The following BACH2 variants were observed in gnomAD, a reference collection of about 807,000 sequenced individuals.
BACH2 encodes the protein transcription regulator protein BACH2.
BACH2 carries 5 observed loss-of-function variants against 61.8 expected under a neutral mutation model. The observed-to-expected ratio is 0.08, with a 90% CI of 0.04 to 0.17. The LOEUF is 0.17. Ranked by LOEUF, BACH2 falls within the 10% of genes least tolerant of loss-of-function variation. The probability of loss-of-function intolerance (pLI) is 1.00; values close to 1 mark genes in which losing one functional copy is unlikely to be tolerated. For missense variants in BACH2, 824 were observed against 1,091.1 expected (o/e 0.76, Z 3.45); for synonymous variants, 446 against 440.1 (o/e 1.01, Z -0.17).
At chr6:90,066,066 C>T (rs928531994) in intron 5 of BACH2, among the ~76,000 whole-genome samples, 6 of 152,128 alleles carry the variant, frequency 3.9e-5, no homozygotes, top group Non-Finnish European at 7.4e-5. Context: ...TGTCTATGTA[C>T]CCCAGCAGAC....
rs370686120 is a variant in BACH2 at position 89,950,798 on chromosome 6, G to A, written c.1308C>T (p.Ser436=). 12 of 1,614,024 alleles carry A rather than the reference G, an allele frequency of 7.4e-6. No individual in the cohort carries two copies. Among genetic ancestry groups the A allele is most frequent in the East Asian group, 4.5e-5 (2 of 44,880 alleles). ...CCGAGGTGCTCACTTGGTCACAAGC[G>A]CTGGAGGAGAAGATCACGCTCCTCC... The part of the protein sequence containing the change: ...LDRRSVIFSS[S]ACDQVSTSVH... Residue 436 remains serine (S), a synonymous_variant, in exon 7 of 9, where the codon AGC becomes AGT. Coordinates refer to ENST00000257749, the MANE Select transcript of BACH2 (RefSeq NM_021813.4). The surrounding 1 kb of genome is among the most constrained non-coding windows in gnomAD (Gnocchi z 5.3).
chr6:90,052,308 T>C (rs1780083443), intron 5 of BACH2, among the ~76,000 whole-genome samples: 1 of 152,270 alleles, frequency 6.6e-6, no homozygotes, highest in Admixed American at 6.5e-5. Flanking sequence ...TTGTTTTACA[T>C]GTTTTGATGC....
intron 6 of BACH2, among the ~76,000 whole-genome samples, chr6:89,974,194 G>C (rs558101960): frequency 2.0e-4 from 31 of 152,312 alleles, no homozygotes; most frequent in African/African-American, 7.5e-4. Context: ...GGGCTCTGGA[G>C]TCAGGCTGCC....
rs550845581 is a variant in BACH2 at position 90,019,552 on chromosome 6, G to A, written c.-12-10696C>T. ...TGTTCTTCCAGATCTACAATTCTATGAGTCTATAAAAGAAATATACCTGAT... is the reference window on the plus strand; with the variant it reads ...TGTTCTTCCAGATCTACAATTCTATAAGTCTATAAAAGAAATATACCTGAT... On this transcript the variant is annotated intron_variant, in intron 5 of 8. Transcript: ENST00000257749. 4.6e-5 allele frequency among the ~76,000 whole-genome samples: 7 copies of A among 152,304 alleles called. No homozygotes were observed. The East Asian group carries it at 1.3e-3, about 29-fold the overall frequency.
At position 90,108,082 on chromosome 6, in the gene BACH2, G is replaced by A. The variant is rs567527020; in HGVS notation, c.-161-18973C>T. ...ACAGATTTCAGGATTTTTGCTCTCCGCTGAGTCTTGCCCATGGGGCGTGAG... is the reference window on the plus strand; with the variant it reads ...ACAGATTTCAGGATTTTTGCTCTCCACTGAGTCTTGCCCATGGGGCGTGAG... On this transcript the variant is annotated intron_variant, in intron 4 of 8. Transcript: ENST00000257749. Among the ~76,000 whole-genome samples, 86 of 152,240 alleles carry A rather than the reference G, an allele frequency of 5.6e-4. 1 individual carries two copies. Among genetic ancestry groups the A allele is most frequent in the Non-Finnish European group, 1.2e-3 (81 of 68,016 alleles).
chr6:90,284,331 G>A (rs967489046), intron 1 of BACH2, among the ~76,000 whole-genome samples: 13 of 152,214 alleles, frequency 8.5e-5, no homozygotes, highest in African/African-American at 2.9e-4. Context: ...AGGTAGCACA[G>A]TTCTTCCTGA....
At chr6:89,952,447 T>A (rs778741265) in intron 6 of BACH2, among the ~76,000 whole-genome samples, 1 of 152,190 alleles carries the variant, frequency 6.6e-6, no homozygotes, top group Non-Finnish European at 1.5e-5. Flanking sequence ...CTTTCGGTCA[T>A]CATGTCTACC....
At chr6:90,182,960 T>C (rs181965248) in intron 4 of BACH2, among the ~76,000 whole-genome samples, 2 of 152,352 alleles carry the variant, frequency 1.3e-5, no homozygotes, top group East Asian at 3.9e-4. Flanking sequence ...ATAGCAATTA[T>C]ACCTTTGATA....
chr6:89,947,343 AC>A (rs1256058357), intron 7 of BACH2, among the ~76,000 whole-genome samples: 1 of 151,998 alleles, frequency 6.6e-6, no homozygotes, highest in Non-Finnish European at 1.5e-5. Context: ...CAGGTTATCA[AC>A]TCCTCGAGCA....
intron 3 of BACH2, among the ~76,000 whole-genome samples, chr6:90,211,615 T>TGTGC (rs1769356026): frequency 6.6e-6 from 1 of 151,382 alleles, no homozygotes; most frequent in African/African-American, 2.4e-5. Context: ...TGTGTGTGTG[T>TGTGC]GTGTGTGTGT....
intron 4 of BACH2, among the ~76,000 whole-genome samples, chr6:90,174,503 A>C (rs1486072055): frequency 1.3e-5 from 2 of 152,042 alleles, no homozygotes; most frequent in Non-Finnish European, 2.9e-5. Flanking sequence ...TTAACATTGG[A>C]GATTCTTGCC....
intron 8 of BACH2, 83 bp downstream of exon 8, chr6:89,938,041 CAAAGGGTGACCCTTCTGTCT>C: frequency 8.8e-7 from 1 of 1,132,698 alleles, no homozygotes; most frequent in Non-Finnish European, 1.3e-6. Context: ...CAAACTTCCG[CAAAGGGTGACCCTTCTGTCT>C]ACTTTTCCAA....
chr6:89,970,705 C>G (rs927356291), intron 6 of BACH2, among the ~76,000 whole-genome samples: 4 of 152,162 alleles, frequency 2.6e-5, no homozygotes, highest in South Asian at 2.1e-4. Context: ...TCTGGCCCCC[C>G]CCAGATCTTA....
At chr6:90,179,734 T>C (rs988801150) in intron 4 of BACH2, among the ~76,000 whole-genome samples, 1 of 152,220 alleles carries the variant, frequency 6.6e-6, no homozygotes, top group African/African-American at 2.4e-5. Flanking sequence ...TAAGGTATTA[T>C]GATTAATTAA....
Position 89,929,209 on chromosome 6 carries a change from TAAG to T in BACH2, c.*3196_*3198del, listed in dbSNP as rs1772508174. The T allele has an allele frequency of 6.6e-6, 1 of 152,336 alleles. No homozygotes were observed. The highest frequency in any genetic ancestry group is 1.5e-5 in the Non-Finnish European group (1 of 68,040). The allele number at this position is 152,336 out of a possible 1,614,324, so 9.4% of individuals were successfully genotyped here. A position where few individuals can be genotyped will look rare whatever the true frequency, so the allele number is the denominator to read the frequency against. On this transcript the variant is annotated 3_prime_UTR_variant, in exon 9 of 9. Transcript: ENST00000257749. ...GTGGTTGGAGGGTCTCTTATTTTTG[TAAG>T]AAAAGAGCCTTAAGAACAACCAAAT... is the stretch of plus-strand genomic sequence containing the variant.
intron 4 of BACH2, among the ~76,000 whole-genome samples, chr6:90,193,211 G>A (rs921396039): frequency 6.6e-6 from 1 of 152,214 alleles, no homozygotes; most frequent in African/African-American, 2.4e-5. Flanking sequence ...TTCACATGGT[G>A]AAGTCCTAAC....
chr6:89,951,009 C>G lies in BACH2; in HGVS notation c.1097G>C (p.Arg366Thr). The change falls in exon 7 of 9, where the codon AGG (arginine) becomes ACG (threonine). Residue 366 changes from arginine to threonine, a missense_variant. This residue lies in a region of BACH2 where 226 missense variants were observed against 228.5 expected (regional missense o/e 0.99). Transcript: ENST00000257749. The surrounding 1 kb of genome is among the most constrained non-coding windows in gnomAD (Gnocchi z 6.4). ...LPSTSQQHFA[R>T]SPACPFDKGI... ...CTTGTCAAAAGGGCAGGCTGGACTC[C>G]TGGCAAAGTGCTGCTGAGATGTACT... 1 of 1,591,094 alleles carries G rather than the reference C, an allele frequency of 6.3e-7. No homozygotes were observed. The highest frequency in any genetic ancestry group is 8.6e-7 in the Non-Finnish European group (1 of 1,169,346).
At chr6:89,978,759 G>C (rs1290378969) in intron 6 of BACH2, among the ~76,000 whole-genome samples, 1 of 151,466 alleles carries the variant, frequency 6.6e-6, no homozygotes, top group African/African-American at 2.4e-5. Context: ...TTCTATGTAT[G>C]TTTCTGTGGG....
chr6:89,969,477 G>C (rs1022613304), intron 6 of BACH2, among the ~76,000 whole-genome samples: 7 of 152,298 alleles, frequency 4.6e-5, no homozygotes, highest in African/African-American at 1.7e-4. Context: ...GAAGATGAGA[G>C]ACAAGGGACG....
Sources: allele counts gnomAD v4.1 joint callset (sites outside exome capture counted in the v4.1 genomes callset), GRCh38; gene constraint gnomAD v4.1.1; regional missense constraint gnomAD v4.1.1; non-coding constraint Gnocchi (gnomAD v3.1); transcripts MANE v1.5; gene names NCBI Gene and HGNC (gene_info 2026-07-23, HGNC 2026-07-21).